MSRA: variants seen among roughly 807,000 people sequenced by gnomAD.
MSRA encodes methionine sulfoxide reductase A.
Under a neutral mutation model 31.3 loss-of-function variants are expected in MSRA, and 54 were observed. The ratio of observed to expected loss-of-function variants is 1.73; its 90% CI spans 1.39 to 2.17. The LOEUF is 2.17. Among genes scored for constraint, MSRA ranks in the 30% most tolerant of loss-of-function variants. The pLI, the probability that MSRA is intolerant of heterozygous loss-of-function variation, is 0.00. For missense variants in MSRA, 507 were observed against 300.9 expected, an observed-to-expected ratio of 1.69 and a Z score of -5.07; for synonymous variants, 169 against 116.5, an observed-to-expected ratio of 1.45 and a Z score of -2.90.
chr8:10,158,279 G>A (rs890115246), intron 1 of MSRA, among the ~76,000 whole-genome samples: 1 of 152,180 alleles, frequency 6.6e-6, no homozygotes. Flanking sequence ...GGTATGAACT[G>A]CAGTCAGACA....
chr8:10,230,836 G>T (rs1411506169), intron 2 of MSRA, among the ~76,000 whole-genome samples: 3 of 152,158 alleles, frequency 2.0e-5, no homozygotes, highest in Non-Finnish European at 4.4e-5. Flanking sequence ...CCAGGCTGGA[G>T]TATAATGGCG....
chr8:10,256,535 C>G (rs1411057735), intron 3 of MSRA, among the ~76,000 whole-genome samples: 1 of 152,210 alleles, frequency 6.6e-6, no homozygotes, highest in Non-Finnish European at 1.5e-5. Context: ...GAGAGGATTT[C>G]TGCTAGCTGA....
rs781669303 is a variant in MSRA at position 10,428,249 on chromosome 8, C to T, written c.645C>T (p.Asn215=). ...ACCACCAGCAGTACCTGAGCAAGAA[C>T]CCCAATGGCTACTGCGGCCTTGGGG... is the stretch of plus-strand genomic sequence containing the variant. ...EDYHQQYLSK[N]PNGYCGLGGT... Residue 215 remains asparagine, a synonymous_variant, in exon 6 of 6, where the codon AAC becomes AAT. Coordinates refer to ENST00000317173, the MANE Select transcript of MSRA (RefSeq NM_012331.5). 1.8e-5 allele frequency: 29 copies of T among 1,614,088 alleles called. No homozygotes were observed. The highest frequency in any genetic ancestry group is 2.2e-5 in the East Asian group (1 of 44,894).
At chr8:10,077,695 G>A (rs1480075692) in intron 1 of MSRA, among the ~76,000 whole-genome samples, 1 of 151,306 alleles carries the variant, frequency 6.6e-6, no homozygotes, top group Non-Finnish European at 1.5e-5. Flanking sequence ...TCCCTCCCTC[G>A]CTCGCTTTCT....
intron 3 of MSRA, chr8:10,250,478 A>G (rs925306671): frequency 1.4e-6 from 1 of 702,486 alleles, no homozygotes; most frequent in Non-Finnish European, 2.6e-6. Flanking sequence ...AGAAATCTGC[A>G]CAGCCAAGTG....
At chr8:10,311,190 T>C (rs902625240) in intron 4 of MSRA, among the ~76,000 whole-genome samples, 5 of 152,182 alleles carry the variant, frequency 3.3e-5, no homozygotes, top group East Asian at 1.9e-4. Context: ...TCAGACCAAA[T>C]TGCCCACTGA....
At chr8:10,115,793 C>G (rs529419585) in intron 1 of MSRA, among the ~76,000 whole-genome samples, 28 of 152,100 alleles carry the variant, frequency 1.8e-4, no homozygotes, top group African/African-American at 6.8e-4. Flanking sequence ...GTATCCCCAG[C>G]ATTAAGAAGA....
intron 1 of MSRA, among the ~76,000 whole-genome samples, chr8:10,181,227 G>C (rs1056222950): frequency 6.6e-6 from 1 of 152,206 alleles, no homozygotes; most frequent in Admixed American, 6.5e-5. Context: ...GCCTGGCAGG[G>C]AGCAGAAGGG....
intron 2 of MSRA, among the ~76,000 whole-genome samples, chr8:10,220,081 T>A (rs1275244363): frequency 6.6e-6 from 1 of 152,118 alleles, no homozygotes; most frequent in African/African-American, 2.4e-5. Context: ...TGCAAGAACC[T>A]GTGAACTTTC....
intron 1 of MSRA, among the ~76,000 whole-genome samples, chr8:10,195,504 G>A (rs1470187204): frequency 6.6e-6 from 1 of 152,204 alleles, no homozygotes; most frequent in African/African-American, 2.4e-5. Flanking sequence ...GCCTCCCCAA[G>A]TGCTAGGATT....
chr8:10,268,134 T>G (rs549293400), intron 3 of MSRA, among the ~76,000 whole-genome samples: 1 of 152,190 alleles, frequency 6.6e-6, no homozygotes, highest in South Asian at 2.1e-4. Context: ...TGAATACATA[T>G]GAAGATGAGC....
chr8:10,265,547 C>G (rs964384613), intron 3 of MSRA, among the ~76,000 whole-genome samples: 2 of 152,216 alleles, frequency 1.3e-5, no homozygotes, highest in Non-Finnish European at 2.9e-5. Context: ...ATAGCAGGGA[C>G]TAGACCAGAA....
chr8:10,132,839 T>C (rs1162833105), intron 1 of MSRA, among the ~76,000 whole-genome samples: 2 of 152,210 alleles, frequency 1.3e-5, no homozygotes, highest in Non-Finnish European at 2.9e-5. Context: ...GCAGAGTAGG[T>C]ACACAAAGGT....
chr8:10,249,784 T>C (rs963409875), intron 3 of MSRA, among the ~76,000 whole-genome samples: 2 of 152,200 alleles, frequency 1.3e-5, no homozygotes, highest in African/African-American at 4.8e-5. Flanking sequence ...GGCCACTGTT[T>C]TGTACCTAAA....
intron 1 of MSRA, among the ~76,000 whole-genome samples, chr8:10,106,393 G>A (rs1395150369): frequency 6.6e-6 from 1 of 152,076 alleles, no homozygotes; most frequent in Admixed American, 6.5e-5. Context: ...TTCTTACCTG[G>A]AATCAGCATT....
chr8:10,161,238 G>T (rs1300722692), intron 1 of MSRA, among the ~76,000 whole-genome samples: 2 of 152,156 alleles, frequency 1.3e-5, no homozygotes, highest in Admixed American at 6.5e-5. Flanking sequence ...GCATTGCTGA[G>T]AATATTTATA....
chr8:10,279,923 T>A (rs912738703), intron 3 of MSRA, among the ~76,000 whole-genome samples: 1 of 152,250 alleles, frequency 6.6e-6, no homozygotes, highest in African/African-American at 2.4e-5. Context: ...GTTTCTTGGA[T>A]ATTCTGTTGA....
intron 1 of MSRA, among the ~76,000 whole-genome samples, chr8:10,059,496 A>G (rs565388728): frequency 1.7e-4 from 26 of 152,194 alleles, no homozygotes; most frequent in Non-Finnish European, 3.7e-4. Flanking sequence ...CTCTTTTTCC[A>G]TTTAGGTTAT....
intron 5 of MSRA, among the ~76,000 whole-genome samples, chr8:10,419,143 C>T (rs1035014219): frequency 3.3e-5 from 5 of 152,164 alleles, no homozygotes; most frequent in Non-Finnish European, 2.9e-5. Flanking sequence ...CACTCCCTCC[C>T]GACCCTGCTC....
Sources: gnomAD v4.1 joint callset for allele counts (sites outside exome capture counted in the v4.1 genomes callset) on GRCh38, gnomAD v4.1.1 for gene constraint, MANE v1.5 for transcripts, NCBI Gene and HGNC (gene_info 2026-07-23, HGNC 2026-07-21) for gene names.